CCDC148: variants seen among roughly 807,000 people sequenced by gnomAD.
The protein encoded by CCDC148 is coiled-coil domain containing 148.
In CCDC148, 89 loss-of-function variants were observed where a neutral mutation model predicts 85.7. That is an observed-to-expected ratio of 1.04 (90% CI 0.87 to 1.24). The LOEUF (loss-of-function observed/expected upper bound fraction) is 1.24, where lower values mean the gene tolerates loss of function less well. Among genes scored for constraint, CCDC148 ranks in the 50% most tolerant of loss-of-function variants. The pLI is 0.00. For synonymous variants in CCDC148, 230 were observed against 213.9 expected (o/e 1.08, Z -0.66); for missense variants, 692 against 671.7 (o/e 1.03, Z -0.33).
At chr2:158,385,063 A>C (rs1685029244) in intron 1 of CCDC148, among the ~76,000 whole-genome samples, 1 of 152,182 alleles carries the variant, frequency 6.6e-6, no homozygotes, top group South Asian at 2.1e-4. Context: ...GTCAGTGACT[A>C]CAGTTGTTTG....
chr2:158,431,981 T>C (rs1465244372), intron 1 of CCDC148, among the ~76,000 whole-genome samples: 6 of 152,026 alleles, frequency 3.9e-5, no homozygotes, highest in South Asian at 2.1e-4. Context: ...ACCACACATA[T>C]ACATGAAAAA....
At chr2:158,340,567 C>T (rs1682631059) in intron 4 of CCDC148, 31 bp downstream of exon 4, 8 of 1,485,924 alleles carry the variant, frequency 5.4e-6, no homozygotes, top group African/African-American at 2.8e-5. Flanking sequence ...AATAAAACTC[C>T]CCTTTAAATA....
intron 9 of CCDC148, among the ~76,000 whole-genome samples, chr2:158,257,085 A>T (rs1208042368): frequency 2.6e-5 from 4 of 151,768 alleles, no homozygotes; most frequent in Non-Finnish European, 5.9e-5. Flanking sequence ...TCTTTAAAAA[A>T]AAAAGTCTCC....
intron 13 of CCDC148, among the ~76,000 whole-genome samples, chr2:158,173,836 T>A (rs1248305208): frequency 6.6e-6 from 1 of 152,004 alleles, no homozygotes; most frequent in Non-Finnish European, 1.5e-5. Context: ...CCAAATTACA[T>A]CTAGGACTCA....
chr2:158,418,015 A>C (rs963104458), intron 1 of CCDC148, among the ~76,000 whole-genome samples: 1 of 152,180 alleles, frequency 6.6e-6, no homozygotes, highest in Non-Finnish European at 1.5e-5. Flanking sequence ...TTGTTAAATT[A>C]TAGTAATCTA....
At chr2:158,225,688 T>A (rs931808454) in intron 10 of CCDC148, among the ~76,000 whole-genome samples, 27 of 152,120 alleles carry the variant, frequency 1.8e-4, no homozygotes, top group Admixed American at 7.9e-4. Context: ...AACTGAACAA[T>A]TCGCTCCTGA....
chr2:158,256,536 C>T (rs1574492790), intron 9 of CCDC148, among the ~76,000 whole-genome samples: 1 of 151,442 alleles, frequency 6.6e-6, no homozygotes, highest in African/African-American at 2.4e-5. Flanking sequence ...TTTATGGAAA[C>T]AGTGTGTGAT....
At position 158,186,588 on chromosome 2, in the gene CCDC148, A is replaced by C. The variant is rs937324239; in HGVS notation, c.1371-7592T>G. Among the ~76,000 whole-genome samples the C allele has an allele frequency of 5.9e-5, 9 of 152,102 alleles. No individual in the cohort carries two copies. In the South Asian group the frequency reaches 1.9e-3, roughly 32 times the overall value. Reference sequence around the variant, plus strand: ...CCACGGTTCTTTTTCCTCTACATATAAATTTATTCAAATCGGGTAGAGGGA... The same window carrying C: ...CCACGGTTCTTTTTCCTCTACATATCAATTTATTCAAATCGGGTAGAGGGA... On this transcript the variant is annotated intron_variant, in intron 11 of 13. Transcript: ENST00000283233.
At chr2:158,412,183 T>A (rs369931937) in intron 1 of CCDC148, among the ~76,000 whole-genome samples, 5 of 152,210 alleles carry the variant, frequency 3.3e-5, no homozygotes, top group African/African-American at 9.7e-5. Flanking sequence ...GAGACTCTTT[T>A]TGACACTGAG....
chr2:158,216,585 A>G (rs1686876528), intron 11 of CCDC148, among the ~76,000 whole-genome samples: 1 of 151,830 alleles, frequency 6.6e-6, no homozygotes, highest in African/African-American at 2.4e-5. Flanking sequence ...ACATTTAATA[A>G]TATAATACCA....
At chr2:158,381,676 CAT>C (rs1490561366) in intron 1 of CCDC148, among the ~76,000 whole-genome samples, 3 of 152,066 alleles carry the variant, frequency 2.0e-5, no homozygotes, top group Non-Finnish European at 2.9e-5. Context: ...TCCAGTAACA[CAT>C]GTTAGAAATG....
intron 10 of CCDC148, among the ~76,000 whole-genome samples, chr2:158,241,298 T>C (rs1464812632): frequency 5.9e-5 from 9 of 152,350 alleles, no homozygotes; most frequent in African/African-American, 1.9e-4. Context: ...AGTAACAAAC[T>C]CTATATAGTT....
At chr2:158,437,712 T>C (rs1299814901) in intron 1 of CCDC148, among the ~76,000 whole-genome samples, 2 of 152,192 alleles carry the variant, frequency 1.3e-5, no homozygotes, top group Non-Finnish European at 2.9e-5. Flanking sequence ...ATGACATAAT[T>C]GTATATCTAG....
intron 10 of CCDC148, among the ~76,000 whole-genome samples, chr2:158,242,307 G>A (rs1335072499): frequency 1.3e-5 from 2 of 152,022 alleles, no homozygotes; most frequent in African/African-American, 2.4e-5. Flanking sequence ...ACTGCCTTCT[G>A]CTCTACCATT....
intron 2 of CCDC148, among the ~76,000 whole-genome samples, chr2:158,348,851 C>A (rs950329523): frequency 3.3e-5 from 5 of 151,982 alleles, no homozygotes; most frequent in African/African-American, 4.8e-5. Flanking sequence ...GAGGCTTGAG[C>A]TGGACAAGAA....
intron 7 of CCDC148, among the ~76,000 whole-genome samples, chr2:158,324,760 T>A (rs1010254164): frequency 6.6e-6 from 1 of 152,314 alleles, no homozygotes; most frequent in East Asian, 1.9e-4. Flanking sequence ...GAGTATTTTT[T>A]AAATTTTCAT....
intron 10 of CCDC148, among the ~76,000 whole-genome samples, chr2:158,231,001 G>A (rs1441113861): frequency 6.6e-6 from 1 of 152,112 alleles, no homozygotes; most frequent in Admixed American, 6.6e-5. Flanking sequence ...AAGAAAATTG[G>A]GAGCTCAGTT....
chr2:158,172,718 T>C (rs1032892474), intron 13 of CCDC148, among the ~76,000 whole-genome samples: 3 of 152,044 alleles, frequency 2.0e-5, no homozygotes, highest in Non-Finnish European at 4.4e-5. Context: ...ACAAAATCAA[T>C]AGAACTTTTC....
In CCDC148 at chr2:158,331,107, C is replaced by T. The variant is rs564506448; in HGVS notation, c.764+7619G>A. On this transcript the variant is annotated intron_variant, in intron 7 of 13. Transcript: ENST00000283233. Reference sequence around the variant, plus strand: ...TTCTTTTAATTGTGATGTTAGGGTGCCAATTTTAGATCTTTCCTGCTTTCT... The same window carrying T: ...TTCTTTTAATTGTGATGTTAGGGTGTCAATTTTAGATCTTTCCTGCTTTCT... 3.3e-3 allele frequency among the ~76,000 whole-genome samples: 503 copies of T among 151,960 alleles called. 3 individuals carry two copies. The highest frequency in any genetic ancestry group is 0.012 in the African/African-American group (478 of 41,498).
Sources: gnomAD v4.1 joint callset for allele counts (sites outside exome capture counted in the v4.1 genomes callset) on GRCh38, gnomAD v4.1.1 for gene constraint, MANE v1.5 for transcripts, NCBI Gene and HGNC (gene_info 2026-07-23, HGNC 2026-07-21) for gene names.